Variants in RAB38 observed in about 807,000 individuals in gnomAD.
RAB38 encodes ras-related protein Rab-38.
A neutral mutation model predicts 18.4 loss-of-function variants in RAB38; 15 were observed. The observed-to-expected ratio is 0.82, with a 90% CI of 0.55 to 1.26. The LOEUF is 1.26. RAB38 is among the 50% of genes most tolerant of loss of function. The pLI is 0.00. For missense variants in RAB38, 294 were observed against 267.4 expected (o/e 1.10, Z -0.69); for synonymous variants, 101 against 104.4 (o/e 0.97, Z 0.20).
At chr11:88,157,269 C>T (rs548854569) in intron 1 of RAB38, among the ~76,000 whole-genome samples, 37 of 152,234 alleles carry the variant, frequency 2.4e-4, no homozygotes, top group African/African-American at 4.1e-4. Context: ...TAATAATAAA[C>T]GGCTCAATTC....
At position 88,154,119 on chromosome 11, in the gene RAB38, G is replaced by T. The variant is rs142568530; in HGVS notation, c.203-4164C>A. 7.4e-3 allele frequency among the ~76,000 whole-genome samples: 1,123 copies of T among 152,330 alleles called. 10 individuals are homozygous for T. The highest frequency in any genetic ancestry group is 0.025 in the African/African-American group (1,020 of 41,584). On this transcript the variant is annotated intron_variant, in intron 1 of 2. Transcript: ENST00000243662. Reference sequence around the variant, plus strand: ...TCCCAGCAAAGCATGCCAAGGGAAAGCACTTTGTTTCTCCCAAGCCCTAGA... The same window carrying T: ...TCCCAGCAAAGCATGCCAAGGGAAATCACTTTGTTTCTCCCAAGCCCTAGA...
the RAB38 span, among the ~76,000 whole-genome samples, chr11:88,095,873 A>G: frequency 2.2e-4 from 33 of 151,924 alleles, no homozygotes; most frequent in African/African-American, 7.2e-4. Context: ...CTCACATCCA[A>G]TCTATCAGGA....
At chr11:87,876,499 A>G in the RAB38 span, among the ~76,000 whole-genome samples, 40,270 of 151,386 alleles carry the variant, frequency 0.27, 7,285 homozygotes, top group African/African-American at 0.52. Flanking sequence ...ACAGCTTTGA[A>G]AGAGTAACAA....
the RAB38 span, among the ~76,000 whole-genome samples, chr11:87,910,181 T>C: frequency 6.6e-6 from 1 of 152,138 alleles, no homozygotes; most frequent in Non-Finnish European, 1.5e-5. Context: ...CATGGTATCT[T>C]ACTATAGTTT....
chr11:87,965,799 G>T, the RAB38 span, among the ~76,000 whole-genome samples: 1 of 152,132 alleles, frequency 6.6e-6, no homozygotes, highest in South Asian at 2.1e-4. Context: ...TTTTAACCAG[G>T]ACAGAGGGAG....
chr11:88,110,066 C>T (rs1004681078), downstream of RAB38, among the ~76,000 whole-genome samples: 1 of 152,174 alleles, frequency 6.6e-6, no homozygotes, highest in Non-Finnish European at 1.5e-5. Flanking sequence ...GACATATCCA[C>T]ACGTATGTTT....
the RAB38 span, among the ~76,000 whole-genome samples, chr11:87,936,828 T>G: frequency 6.6e-6 from 1 of 152,158 alleles, no homozygotes; most frequent in South Asian, 2.1e-4. Flanking sequence ...TTTTGTATTA[T>G]GCAACCTTCC....
At chr11:87,823,108 A>G in the RAB38 span, among the ~76,000 whole-genome samples, 9 of 135,374 alleles carry the variant, frequency 6.6e-5, no homozygotes, top group Non-Finnish European at 1.4e-4. Flanking sequence ...TAGACAAAAG[A>G]GTTAATAGAT....
the RAB38 span, among the ~76,000 whole-genome samples, chr11:87,924,895 C>T: frequency 6.6e-5 from 10 of 152,004 alleles, no homozygotes; most frequent in Non-Finnish European, 1.3e-4. Flanking sequence ...TGTGTGAGTG[C>T]GCATGTGCAA....
the RAB38 span, among the ~76,000 whole-genome samples, chr11:87,939,580 A>AG: frequency 4.1e-4 from 63 of 152,284 alleles, 1 homozygote; most frequent in African/African-American, 1.2e-3. Context: ...ACAGTTGGCC[A>AG]GGCATGGTGA....
At chr11:88,049,162 A>T in the RAB38 span, among the ~76,000 whole-genome samples, 1 of 151,940 alleles carries the variant, frequency 6.6e-6, no homozygotes, top group Non-Finnish European at 1.5e-5. Flanking sequence ...CCCCAAAAAA[A>T]TTTTCACCGC....
chr11:87,954,863 G>A, the RAB38 span, among the ~76,000 whole-genome samples: 12 of 152,212 alleles, frequency 7.9e-5, no homozygotes, highest in Non-Finnish European at 1.2e-4. Context: ...GCATTATCCC[G>A]TGTTTATGAA....
the RAB38 span, among the ~76,000 whole-genome samples, chr11:88,006,279 G>A: frequency 6.6e-6 from 1 of 151,518 alleles, no homozygotes; most frequent in South Asian, 2.1e-4. Flanking sequence ...GATGACAAGT[G>A]TTAGCAACAA....
chr11:87,977,926 G>T, the RAB38 span, among the ~76,000 whole-genome samples: 95,862 of 96,030 alleles, frequency 1, 47,847 homozygotes, highest in Middle Eastern at 1. Context: ...AATATGTAGT[G>T]ACACCTTTAT....
the RAB38 span, among the ~76,000 whole-genome samples, chr11:87,941,459 C>A: frequency 6.6e-6 from 1 of 151,498 alleles, no homozygotes; most frequent in Admixed American, 6.6e-5. Flanking sequence ...AAAGGCACAT[C>A]CCCTCCTGAG....
At chr11:87,965,613 A>AT in the RAB38 span, among the ~76,000 whole-genome samples, 1 of 152,164 alleles carries the variant, frequency 6.6e-6, no homozygotes, top group Admixed American at 6.5e-5. Flanking sequence ...TTTACCAAGA[A>AT]GTATTATAAT....
the RAB38 span, among the ~76,000 whole-genome samples, chr11:88,005,957 T>C: frequency 8.6e-5 from 13 of 151,656 alleles, no homozygotes; most frequent in African/African-American, 2.7e-4. Context: ...CATTGGTCTA[T>C]GTTTCTGTTT....
At chr11:88,125,554 T>C (rs1277396287) in intron 2 of RAB38, among the ~76,000 whole-genome samples, 1 of 152,150 alleles carries the variant, frequency 6.6e-6, no homozygotes, top group Non-Finnish European at 1.5e-5. Flanking sequence ...AGGGAAAAGG[T>C]GCCATAGAAA....
At chr11:87,941,968 C>G in the RAB38 span, among the ~76,000 whole-genome samples, 1 of 152,156 alleles carries the variant, frequency 6.6e-6, no homozygotes, top group Non-Finnish European at 1.5e-5. Flanking sequence ...CTCTCTTGCT[C>G]CTTGTCTGGG....
Sources: gnomAD v4.1 joint callset for allele counts (sites outside exome capture counted in the v4.1 genomes callset) on GRCh38, gnomAD v4.1.1 for gene constraint, MANE v1.5 for transcripts, NCBI Gene and HGNC (gene_info 2026-07-23, HGNC 2026-07-21) for gene names.